DPYD: variants seen among roughly 807,000 people sequenced by gnomAD.
DPYD encodes the protein dihydropyrimidine dehydrogenase [NADP(+)].
Under a neutral mutation model 116.2 loss-of-function variants are expected in DPYD, and 109 were observed. That is an observed-to-expected ratio of 0.94 (90% CI 0.80 to 1.10). The LOEUF (loss-of-function observed/expected upper bound fraction) is 1.10. DPYD is among the 50% of genes least tolerant of loss of function. The probability of loss-of-function intolerance (pLI) is 0.00; values close to 1 mark genes in which losing one functional copy is unlikely to be tolerated. For synonymous variants in DPYD, 440 were observed against 432.0 expected, an observed-to-expected ratio of 1.02 and a Z score of -0.23; for missense variants, 1,302 against 1,254.5, an observed-to-expected ratio of 1.04 and a Z score of -0.57.
chr1:97,537,365 C>A (rs2102042930), intron 12 of DPYD, among the ~76,000 whole-genome samples: 1 of 152,148 alleles, frequency 6.6e-6, no homozygotes, highest in Middle Eastern at 3.4e-3. Context: ...GTAAATATGC[C>A]ATTATTAAAA....
chr1:97,252,656 A>G (rs1213807478), intron 18 of DPYD, among the ~76,000 whole-genome samples: 1 of 152,170 alleles, frequency 6.6e-6, no homozygotes, highest in African/African-American at 2.4e-5. Flanking sequence ...CAAAACCGCT[A>G]TATACTGTTT....
At chr1:97,717,632 G>A (rs1662686597) in intron 5 of DPYD, among the ~76,000 whole-genome samples, 1 of 151,910 alleles carries the variant, frequency 6.6e-6, no homozygotes, top group South Asian at 2.1e-4. Context: ...AAAGTCTATT[G>A]TATCATTCTT....
At chr1:97,670,838 C>T (rs911831635) in intron 8 of DPYD, among the ~76,000 whole-genome samples, 1 of 152,050 alleles carries the variant, frequency 6.6e-6, no homozygotes, top group Non-Finnish European at 1.5e-5. Flanking sequence ...CCATTGGAAA[C>T]TACTAAAAGA....
chr1:97,666,566 A>C (rs932235900), intron 8 of DPYD, among the ~76,000 whole-genome samples: 7 of 152,174 alleles, frequency 4.6e-5, no homozygotes, highest in Non-Finnish European at 8.8e-5. Flanking sequence ...ACAAAACACT[A>C]CACTTTAGAA....
intron 19 of DPYD, among the ~76,000 whole-genome samples, chr1:97,201,612 G>T (rs1161720145): frequency 6.6e-6 from 1 of 151,988 alleles, no homozygotes; most frequent in Non-Finnish European, 1.5e-5. Flanking sequence ...TAGTAAATAG[G>T]GAACTAGATG....
At chr1:97,546,441 T>G (rs544236158) in intron 12 of DPYD, 7 of 1,596,648 alleles carry the variant, frequency 4.4e-6, no homozygotes, top group Non-Finnish European at 6.0e-6. Flanking sequence ...ATTCCTGAAG[T>G]GAGAAAGATG....
intron 14 of DPYD, among the ~76,000 whole-genome samples, chr1:97,393,142 G>A (rs1672807855): frequency 6.6e-6 from 1 of 151,918 alleles, no homozygotes; most frequent in Non-Finnish European, 1.5e-5. Flanking sequence ...TGGAACAAGA[G>A]GTCTAGTTTT....
intron 8 of DPYD, among the ~76,000 whole-genome samples, chr1:97,608,535 G>A (rs569860716): frequency 6.6e-6 from 1 of 151,782 alleles, no homozygotes; most frequent in African/African-American, 2.4e-5. Flanking sequence ...GTTTGCTCTC[G>A]GTTTCCCTAC....
chr1:97,277,235 G>A (rs1181122390), intron 18 of DPYD, among the ~76,000 whole-genome samples: 1 of 151,914 alleles, frequency 6.6e-6, no homozygotes, highest in African/African-American at 2.4e-5. Context: ...GGAGGTAAGG[G>A]TTGAAAAACA....
chr1:97,090,812 A>T (rs1649849803), intron 21 of DPYD, among the ~76,000 whole-genome samples: 2 of 152,236 alleles, frequency 1.3e-5, no homozygotes, highest in South Asian at 4.1e-4. Context: ...TGTTAGCACT[A>T]CATCTCCATC....
At chr1:97,572,263 T>C (rs1316790627) in intron 11 of DPYD, among the ~76,000 whole-genome samples, 1 of 151,984 alleles carries the variant, frequency 6.6e-6, no homozygotes, top group Non-Finnish European at 1.5e-5. Flanking sequence ...CTTCATATTT[T>C]ATATGCTAAC....
chr1:97,297,701 A>C (rs1456911214), intron 18 of DPYD, among the ~76,000 whole-genome samples: 3 of 152,196 alleles, frequency 2.0e-5, no homozygotes, highest in Non-Finnish European at 4.4e-5. Context: ...TGTTTCCCAC[A>C]CTTTAAGGGT....
chr1:97,219,032 G>C (rs1466351264), intron 19 of DPYD, among the ~76,000 whole-genome samples: 1 of 152,160 alleles, frequency 6.6e-6, no homozygotes. Flanking sequence ...TTAGAAGAAA[G>C]ATAGTAATCA....
At chr1:97,298,105 T>C (rs1030092484) in intron 18 of DPYD, among the ~76,000 whole-genome samples, 1 of 152,206 alleles carries the variant, frequency 6.6e-6, no homozygotes, top group Non-Finnish European at 1.5e-5. Flanking sequence ...TCAAATACTA[T>C]ACCCCTCTAA....
At chr1:97,195,636 A>ATGTGTG (rs1376269434) in intron 19 of DPYD, among the ~76,000 whole-genome samples, 2 of 2,012 alleles carry the variant, frequency 9.9e-4, no homozygotes, top group Non-Finnish European at 1.8e-3. Context: ...ATGTATGTGT[A>ATGTGTG]TATATATATA....
intron 19 of DPYD, among the ~76,000 whole-genome samples, chr1:97,233,587 C>A (rs1156497803): frequency 1.3e-5 from 2 of 152,154 alleles, no homozygotes; most frequent in Non-Finnish European, 2.9e-5. Flanking sequence ...TCTAAAAGTT[C>A]TCTCTCTTGC....
rs997380520 is a variant in DPYD at position 97,335,189 on chromosome 1, C to A, written c.2059-28892G>T. Among the ~76,000 whole-genome samples, 5 of 152,026 alleles carry A rather than the reference C, an allele frequency of 3.3e-5. No homozygotes were observed. The East Asian group carries it at 9.6e-4, about 29-fold the overall frequency. ...GTTTCCTAACAGGGAAGCAGAGCCT[C>A]CCCTCTTCTTTCCATGGCTGCAGTT... On this transcript the variant is annotated intron_variant, in intron 16 of 22. Coordinates refer to ENST00000370192, the MANE Select transcript of DPYD (RefSeq NM_000110.4).
chr1:97,729,073 T>G (rs1427070938), intron 4 of DPYD, among the ~76,000 whole-genome samples: 1 of 152,138 alleles, frequency 6.6e-6, no homozygotes, highest in Non-Finnish European at 1.5e-5. Flanking sequence ...TTTTTAGAAC[T>G]ACACATTTGG....
At chr1:97,123,144 C>T (rs555982002) in intron 20 of DPYD, among the ~76,000 whole-genome samples, 3 of 152,240 alleles carry the variant, frequency 2.0e-5, no homozygotes, top group Admixed American at 6.5e-5. Flanking sequence ...GCTGATGAAA[C>T]ATAGGCTGAA....
Sources: gnomAD v4.1 joint callset for allele counts (sites outside exome capture counted in the v4.1 genomes callset) on GRCh38, gnomAD v4.1.1 for gene constraint, MANE v1.5 for transcripts, NCBI Gene and HGNC (gene_info 2026-07-23, HGNC 2026-07-21) for gene names.